The following SLC35F4 variants were observed in gnomAD, a reference collection of about 807,000 sequenced individuals.
The protein encoded by SLC35F4 is solute carrier family 35 member F4.
A neutral mutation model predicts 44.2 loss-of-function variants in SLC35F4; 24 were observed. The observed-to-expected ratio is 0.54, with a 90% CI of 0.39 to 0.76. SLC35F4 has a LOEUF of 0.76. SLC35F4 is among the 30% of genes least tolerant of loss of function. The probability of loss-of-function intolerance (pLI) is 0.00; values close to 1 mark genes in which losing one functional copy is unlikely to be tolerated. For missense variants in SLC35F4, 562 were observed against 586.1 expected (o/e 0.96, Z 0.42); for synonymous variants, 238 against 223.6 (o/e 1.06, Z -0.57).
chr14:57,665,325 A>G (rs2074272341), intron 1 of SLC35F4, among the ~76,000 whole-genome samples: 1 of 152,134 alleles, frequency 6.6e-6, no homozygotes, highest in Admixed American at 6.6e-5. Context: ...TAACAATAAT[A>G]ATAGCTATTA....
chr14:57,893,192 G>C (rs1888805590), intron 1 of SLC35F4, among the ~76,000 whole-genome samples: 1 of 152,114 alleles, frequency 6.6e-6, no homozygotes, highest in Admixed American at 6.5e-5. Flanking sequence ...AGGCACCTTG[G>C]AAAAACATAG....
intron 1 of SLC35F4, among the ~76,000 whole-genome samples, chr14:57,675,099 A>C (rs2074647836): frequency 6.6e-6 from 1 of 152,084 alleles, no homozygotes; most frequent in African/African-American, 2.4e-5. Context: ...TTATGGTAGA[A>C]AACAACCAGA....
chr14:57,838,799 G>C (rs1885197844), intron 1 of SLC35F4, among the ~76,000 whole-genome samples: 1 of 151,888 alleles, frequency 6.6e-6, no homozygotes. Flanking sequence ...TATATAGAGA[G>C]GTAAAGAATA....
chr14:57,659,873 A>T (rs933784101), intron 1 of SLC35F4, among the ~76,000 whole-genome samples: 2 of 152,218 alleles, frequency 1.3e-5, no homozygotes, highest in Middle Eastern at 3.2e-3. Context: ...TTTATGACAG[A>T]GCAGATCTGG....
chr14:57,673,754 G>A (rs2074596505), intron 1 of SLC35F4, among the ~76,000 whole-genome samples: 1 of 151,976 alleles, frequency 6.6e-6, no homozygotes, highest in Non-Finnish European at 1.5e-5. Flanking sequence ...TGAATTGGAG[G>A]TAACAAAAAA....
chr14:57,739,953 G>A (rs2076563523), intron 1 of SLC35F4, among the ~76,000 whole-genome samples: 1 of 152,114 alleles, frequency 6.6e-6, no homozygotes, highest in Non-Finnish European at 1.5e-5. Flanking sequence ...TCTGCCTGCG[G>A]GGTTCAAGCA....
intron 3 of SLC35F4, among the ~76,000 whole-genome samples, chr14:57,584,493 A>T (rs985934369): frequency 2.0e-5 from 3 of 152,206 alleles, no homozygotes; most frequent in African/African-American, 4.8e-5. Flanking sequence ...AGGGAAAAAA[A>T]GATCGAGAAT....
intron 1 of SLC35F4, among the ~76,000 whole-genome samples, chr14:57,693,310 C>G (rs1471681517): frequency 6.6e-6 from 1 of 152,136 alleles, no homozygotes; most frequent in Non-Finnish European, 1.5e-5. Context: ...AAAATCTGGC[C>G]ATAAATTGGC....
intron 1 of SLC35F4, among the ~76,000 whole-genome samples, chr14:57,840,261 T>G (rs1482766405): frequency 6.6e-6 from 1 of 152,212 alleles, no homozygotes; most frequent in Non-Finnish European, 1.5e-5. Context: ...GGATAACCAT[T>G]AATTCTCTGA....
rs370186096 is a variant in SLC35F4, at chr14:57,569,781, C to T, written c.1126+7G>A. On this transcript the variant is annotated splice_region_variant and intron_variant, in intron 6 of 7. Transcript: ENST00000556826. ...GGGAATGGAAGGCAAAACCCGAGGC[C>T]ACTTACCCAGCCACAGCCCTGCCAT... 14 of 1,581,674 alleles carry T rather than the reference C, an allele frequency of 8.9e-6. No individual in the cohort carries two copies. Among genetic ancestry groups the T allele is most frequent in the Non-Finnish European group, 8.6e-7 (1 of 1,167,758 alleles).
chr14:57,760,583 G>A (rs1312145487), intron 1 of SLC35F4, among the ~76,000 whole-genome samples: 1 of 152,064 alleles, frequency 6.6e-6, no homozygotes, highest in Non-Finnish European at 1.5e-5. Flanking sequence ...ATACACTTGA[G>A]CTTTTTTTCT....
At chr14:57,572,148 A>G in intron 4 of SLC35F4, 129 bp from the exon 5 acceptor site, 2 of 1,040,772 alleles carry the variant, frequency 1.9e-6, no homozygotes, top group South Asian at 3.0e-5. Context: ...ATCACTTTAA[A>G]TGTAGGAAGG....
chr14:57,880,040 GGAAGGAAGGAAGGAAGGAAGGA>G (rs1566919964), intron 1 of SLC35F4, among the ~76,000 whole-genome samples: 97 of 2,396 alleles, frequency 0.04, 3 homozygotes, highest in East Asian at 0.076. Flanking sequence ...GAGGGAGGAA[GGAAGGAAGGAAGGAAGGAAGGA>G]AGGAAGGAAG....
chr14:57,677,685 T>C (rs770010068), intron 1 of SLC35F4, among the ~76,000 whole-genome samples: 3 of 152,016 alleles, frequency 2.0e-5, no homozygotes, highest in Admixed American at 1.3e-4. Context: ...AACTTGCCTA[T>C]AGGCAAAATG....
chr14:57,952,963 A>G (rs967020849), intron 1 of SLC35F4, among the ~76,000 whole-genome samples: 1 of 152,130 alleles, frequency 6.6e-6, no homozygotes, highest in Non-Finnish European at 1.5e-5. Flanking sequence ...CCTCGAGAAG[A>G]GCAACCCAAA....
At chr14:57,927,416 C>CTTTG (rs138339855) in intron 1 of SLC35F4, among the ~76,000 whole-genome samples, 6,625 of 151,614 alleles carry the variant, frequency 0.044, 184 homozygotes, top group Middle Eastern at 0.082. Context: ...GACTGGTTAC[C>CTTTG]TTTGTCTGGA....
intron 1 of SLC35F4, among the ~76,000 whole-genome samples, chr14:57,648,707 C>T (rs1431869199): frequency 1.3e-5 from 2 of 152,080 alleles, no homozygotes; most frequent in East Asian, 1.9e-4. Flanking sequence ...GTGTACAAAG[C>T]GTATTTGTTT....
rs186785907 is a variant in SLC35F4, at chr14:57,684,473, A to C, written c.104-90349T>G. Among the ~76,000 whole-genome samples, 786 of 151,868 alleles carry C rather than the reference A, an allele frequency of 5.2e-3. 9 individuals are homozygous for C. Among genetic ancestry groups the C allele is most frequent in the African/African-American group, 0.018 (735 of 41,464 alleles). ...ATCCCTCACATGTGCAGTTCACAAT[A>C]GGGTTCGAGCTCCTATGAGAATCTA... On this transcript the variant is annotated intron_variant, in intron 1 of 7. Coordinates refer to ENST00000556826, the MANE Select transcript of SLC35F4 (RefSeq NM_001306087.2).
At chr14:57,671,350 G>C (rs952973140) in intron 1 of SLC35F4, among the ~76,000 whole-genome samples, 1 of 151,904 alleles carries the variant, frequency 6.6e-6, no homozygotes, top group Non-Finnish European at 1.5e-5. Context: ...CTTTCCACTT[G>C]AGGAGAGGGG....
Sources: allele counts gnomAD v4.1 joint callset (sites outside exome capture counted in the v4.1 genomes callset), GRCh38; gene constraint gnomAD v4.1.1; transcripts MANE v1.5; gene names NCBI Gene and HGNC (gene_info 2026-07-23, HGNC 2026-07-21).